MAP2K5: variants seen among roughly 807,000 people sequenced by gnomAD.
MAP2K5 encodes the protein mitogen-activated protein kinase kinase 5.
In MAP2K5, 49 loss-of-function variants were observed where a neutral mutation model predicts 83.1. The ratio of observed to expected loss-of-function variants is 0.59; its 90% CI spans 0.47 to 0.75. MAP2K5 has a LOEUF of 0.75. MAP2K5 is among the 30% of genes least tolerant of loss of function. The pLI is 0.00. For synonymous variants in MAP2K5, 202 were observed against 191.8 expected (o/e 1.05, Z -0.44); for missense variants, 457 against 557.5 (o/e 0.82, Z 1.82).
chr15:67,601,761 C>T (rs190881490), intron 8 of MAP2K5, among the ~76,000 whole-genome samples: 23 of 152,312 alleles, frequency 1.5e-4, no homozygotes, highest in Middle Eastern at 3.4e-3. Flanking sequence ...CCCAGAACAT[C>T]CCCTACTCAT....
intron 8 of MAP2K5, among the ~76,000 whole-genome samples, chr15:67,627,613 T>C (rs2086357178): frequency 6.6e-6 from 1 of 152,236 alleles, no homozygotes; most frequent in Admixed American, 6.5e-5. Context: ...ATATTACAAA[T>C]ACCTATATGC....
chr15:67,570,993 T>C (rs559547412), intron 3 of MAP2K5, among the ~76,000 whole-genome samples: 38 of 152,332 alleles, frequency 2.5e-4, no homozygotes, highest in African/African-American at 8.9e-4. Context: ...GAATAATAAG[T>C]AGGCCTGGTA....
chr15:67,754,456 C>T (rs59069542), intron 19 of MAP2K5, among the ~76,000 whole-genome samples: 14,258 of 152,200 alleles, frequency 0.094, 785 homozygotes, highest in Admixed American at 0.11. Context: ...ATTTATTGAG[C>T]TCCTCCTTGG....
At chr15:67,751,069 T>TA (rs966452693) in intron 19 of MAP2K5, among the ~76,000 whole-genome samples, 2 of 151,922 alleles carry the variant, frequency 1.3e-5, no homozygotes, top group African/African-American at 4.8e-5. Context: ...AAAACACCAC[T>TA]AAGGTGGGCA....
At chr15:67,715,238 G>A (rs3784697) in intron 16 of MAP2K5, among the ~76,000 whole-genome samples, 11 of 113,264 alleles carry the variant, frequency 9.7e-5, no homozygotes, top group African/African-American at 1.2e-4. Flanking sequence ...GGGCGGGGAG[G>A]GGGGGGGTCT....
At chr15:67,752,718 A>AT (rs563531799) in intron 19 of MAP2K5, among the ~76,000 whole-genome samples, 772 of 152,000 alleles carry the variant, frequency 5.1e-3, no homozygotes, top group Non-Finnish European at 8.8e-3. Context: ...ATGGAAAGAC[A>AT]TTTTGTGTTC....
chr15:67,674,835 A>C (rs183015655), intron 13 of MAP2K5, among the ~76,000 whole-genome samples: 13 of 152,364 alleles, frequency 8.5e-5, no homozygotes, highest in Non-Finnish European at 1.6e-4. Context: ...CAGATGGCAA[A>C]TAAGCACATG....
At position 67,562,007 on chromosome 15, in the gene MAP2K5, C is replaced by T. The variant is rs560981362; in HGVS notation, c.185-1276C>T. Among the ~76,000 whole-genome samples, 2 of 152,296 alleles carry T rather than the reference C, an allele frequency of 1.3e-5. No homozygotes were observed. Among genetic ancestry groups the T allele is most frequent in the Middle Eastern group, 3.4e-3 (1 of 294 alleles). ...TGATGAGAGATTTGTCTGAGGTTCT[C>T]CAGGCTTGGGATCAGAACAGTCTTT... On this transcript the variant is annotated intron_variant, in intron 2 of 21. Transcript: ENST00000178640. This position sits in a 1 kb window ranked among gnomAD's most constrained non-coding sequence, Gnocchi z 4.1.
intron 17 of MAP2K5, among the ~76,000 whole-genome samples, chr15:67,731,486 C>T (rs527338234): frequency 2.6e-5 from 4 of 152,262 alleles, no homozygotes; most frequent in Non-Finnish European, 4.4e-5. Context: ...TGCATAACTT[C>T]CTTGGCATGC....
At position 67,724,245 on chromosome 15, in the gene MAP2K5, G is replaced by T. The variant is rs956487239; in HGVS notation, c.1045-3671G>T. 6.6e-6 allele frequency among the ~76,000 whole-genome samples: 1 copy of T among 152,140 alleles called. No homozygotes were observed. The highest frequency in any genetic ancestry group is 1.5e-5 in the Non-Finnish European group (1 of 68,036). On this transcript the variant is annotated intron_variant, in intron 16 of 21. Coordinates refer to ENST00000178640, the MANE Select transcript of MAP2K5 (RefSeq NM_145160.3). The surrounding 1 kb of genome is among the most constrained non-coding windows in gnomAD (Gnocchi z 4.4). ...CTAGGGAAATGCAAGTAGATTAATA[G>T]ACCAGTAGGGGTAAAAGATACAGAA...
At chr15:67,673,346 T>C in intron 13 of MAP2K5, among the ~76,000 whole-genome samples, 1 of 152,106 alleles carries the variant, frequency 6.6e-6, no homozygotes, top group East Asian at 1.9e-4. Flanking sequence ...CAGTTCAAAA[T>C]AGTGTAGGCA....
intron 17 of MAP2K5, among the ~76,000 whole-genome samples, chr15:67,731,680 G>T (rs1320401388): frequency 2.0e-5 from 3 of 152,132 alleles, no homozygotes; most frequent in Non-Finnish European, 4.4e-5. Context: ...GCCTCTAGGT[G>T]AGCCAACTCA....
At chr15:67,557,569 T>C (rs924043893) in intron 2 of MAP2K5, among the ~76,000 whole-genome samples, 1 of 152,232 alleles carries the variant, frequency 6.6e-6, no homozygotes, top group Non-Finnish European at 1.5e-5. Context: ...TGCTGGAAGA[T>C]TATTTTGTAT....
At chr15:67,805,293 G>C (rs2090780451) in intron 21 of MAP2K5, among the ~76,000 whole-genome samples, 1 of 152,094 alleles carries the variant, frequency 6.6e-6, no homozygotes, top group South Asian at 2.1e-4. Context: ...ATCAGCCTAG[G>C]ATGAGGCGGC....
intron 2 of MAP2K5, among the ~76,000 whole-genome samples, chr15:67,556,386 T>C (rs2084625747): frequency 6.6e-6 from 1 of 152,190 alleles, no homozygotes; most frequent in Non-Finnish European, 1.5e-5. Flanking sequence ...TCCAGGATAT[T>C]GAAGAAACAT....
chr15:67,580,732 T>C, intron 3 of MAP2K5, 22 bp from the exon 4 acceptor site: 2 of 1,460,858 alleles, frequency 1.4e-6, no homozygotes, highest in Non-Finnish European at 1.9e-6. Flanking sequence ...CTGAGTGATC[T>C]CTTTCTATAA....
intron 8 of MAP2K5, among the ~76,000 whole-genome samples, chr15:67,618,075 C>G (rs2086095032): frequency 6.6e-6 from 1 of 152,158 alleles, no homozygotes; most frequent in Non-Finnish European, 1.5e-5. Flanking sequence ...TTCGCATTAA[C>G]AGTTTAGATG....
At position 67,802,288 on chromosome 15, in the gene MAP2K5, G is replaced by A. The variant is rs896063750; in HGVS notation, c.1243-4358G>A. On this transcript the variant is annotated intron_variant, in intron 21 of 21. Coordinates refer to ENST00000178640, the MANE Select transcript of MAP2K5 (RefSeq NM_145160.3). This position sits in a 1 kb window ranked among gnomAD's most constrained non-coding sequence, Gnocchi z 5.0. ...ACAATTCATCTTCATGAGAGGGAGC[G>A]GTGAGCAACCACAATTCATCTTCAT... is the stretch of plus-strand genomic sequence containing the variant. Among the ~76,000 whole-genome samples, 5 of 149,450 alleles carry A rather than the reference G, an allele frequency of 3.3e-5. No individual in the cohort carries two copies. Among genetic ancestry groups the A allele is most frequent in the African/African-American group, 7.7e-5 (3 of 38,826 alleles).
rs1372789527 is a variant in MAP2K5 at position 67,658,590 on chromosome 15, T to C, written c.774T>C (p.His258=). The C allele has an allele frequency of 6.8e-6, 11 of 1,612,268 alleles. No individual in the cohort carries two copies. The highest frequency in any genetic ancestry group is 2.2e-5 in the East Asian group (1 of 44,816). ...ATGTATATAGGAAAATGCCAGAACA[T>C]GTCCTTGGAAGAATTGCAGTAGCAG... ...SLDVYRKMPE[H]VLGRIAVAVV... The change falls in exon 12 of 22, where the codon CAT becomes CAC. Residue 258 remains histidine (H), a synonymous_variant. Coordinates refer to ENST00000178640, the MANE Select transcript of MAP2K5 (RefSeq NM_145160.3).
Sources: gnomAD v4.1 joint callset for allele counts (sites outside exome capture counted in the v4.1 genomes callset) on GRCh38, gnomAD v4.1.1 for gene constraint, Gnocchi (gnomAD v3.1) non-coding constraint, MANE v1.5 for transcripts, NCBI Gene and HGNC (gene_info 2026-07-23, HGNC 2026-07-21) for gene names.